CADPS2: variants seen among roughly 807,000 people sequenced by gnomAD.
CADPS2 encodes the protein calcium-dependent secretion activator 2.
Under a neutral mutation model 172.5 loss-of-function variants are expected in CADPS2, and 93 were observed. The observed-to-expected ratio is 0.54, with a 90% CI of 0.46 to 0.64. The LOEUF (loss-of-function observed/expected upper bound fraction) is 0.64, where lower values mean the gene tolerates loss of function less well. Ranked by LOEUF, CADPS2 falls within the 30% of genes least tolerant of loss-of-function variation. CADPS2 has a pLI of 0.00. For synonymous variants in CADPS2, 546 were observed against 555.2 expected, an observed-to-expected ratio of 0.98 and a Z score of 0.23; for missense variants, 1,420 against 1,565.9, an observed-to-expected ratio of 0.91 and a Z score of 1.57.
chr7:122,598,725 A>T (rs2072285568), intron 6 of CADPS2, among the ~76,000 whole-genome samples: 2 of 152,138 alleles, frequency 1.3e-5, no homozygotes, highest in African/African-American at 4.8e-5. Flanking sequence ...ACTCTTATTA[A>T]TACTTCATTA....
At chr7:122,796,662 T>C (rs1047879967) in intron 1 of CADPS2, among the ~76,000 whole-genome samples, 1 of 152,100 alleles carries the variant, frequency 6.6e-6, no homozygotes, top group South Asian at 2.1e-4. Context: ...GCTACCCATA[T>C]GCAGAAGACT....
rs1344793107 is a variant in CADPS2, at chr7:122,760,973, A to G, written c.340-23905T>C. ...AACTTAAAGTATGATAATAATAAAA[A>G]AAAGAAAACCTCAGACACTGTCAGC... On this transcript the variant is annotated intron_variant, in intron 1 of 29. Coordinates refer to ENST00000449022, the MANE Select transcript of CADPS2 (RefSeq NM_017954.11). Among the ~76,000 whole-genome samples, 9 of 152,336 alleles carry G rather than the reference A, an allele frequency of 5.9e-5. No homozygotes were observed. In the East Asian group the frequency reaches 9.6e-4, roughly 16 times the overall value.
intron 6 of CADPS2, among the ~76,000 whole-genome samples, chr7:122,591,989 G>T (rs981675696): frequency 1.3e-5 from 2 of 149,880 alleles, no homozygotes; most frequent in South Asian, 4.2e-4. Flanking sequence ...TGACAAATGG[G>T]ATCTAATTAA....
intron 3 of CADPS2, among the ~76,000 whole-genome samples, chr7:122,634,199 G>C (rs980923526): frequency 1.3e-5 from 2 of 152,064 alleles, no homozygotes; most frequent in Non-Finnish European, 2.9e-5. Flanking sequence ...GGATGAGTTA[G>C]GGAAGATTTT....
intron 9 of CADPS2, among the ~76,000 whole-genome samples, chr7:122,502,043 A>T (rs1422857099): frequency 1.3e-5 from 2 of 152,072 alleles, no homozygotes; most frequent in African/African-American, 4.8e-5. Context: ...ATTACCTCTT[A>T]ATTTCTGGCA....
At chr7:122,660,740 C>T (rs528681693) in intron 3 of CADPS2, among the ~76,000 whole-genome samples, 54 of 152,136 alleles carry the variant, frequency 3.5e-4, no homozygotes, top group African/African-American at 1.3e-3. Context: ...GAAACCCCAT[C>T]TCTACTAAAA....
chr7:122,491,785 A>G (rs914735772), intron 9 of CADPS2, among the ~76,000 whole-genome samples: 1 of 152,204 alleles, frequency 6.6e-6, no homozygotes, highest in Admixed American at 6.5e-5. Context: ...AGCTTTTAAT[A>G]TGCTAACGTA....
intron 7 of CADPS2, among the ~76,000 whole-genome samples, chr7:122,556,541 C>T (rs538072963): frequency 1.3e-5 from 2 of 152,236 alleles, no homozygotes; most frequent in South Asian, 4.1e-4. Context: ...TAAATTAAAA[C>T]TTTTGACAAT....
chr7:122,458,193 T>C (rs1363584070), intron 14 of CADPS2, among the ~76,000 whole-genome samples: 1 of 152,156 alleles, frequency 6.6e-6, no homozygotes, highest in Non-Finnish European at 1.5e-5. Context: ...GAATTGTCAA[T>C]TCTGCCTGCA....
rs998758438 is a variant in CADPS2, at chr7:122,506,736, A to C, written c.1542+6513T>G. Among the ~76,000 whole-genome samples the C allele has an allele frequency of 3.6e-4, 55 of 152,088 alleles. 1 individual carries two copies. Among genetic ancestry groups the C allele is most frequent in the African/African-American group, 1.3e-3 (53 of 41,550 alleles). On this transcript the variant is annotated intron_variant, in intron 9 of 29. Transcript: ENST00000449022. Reference sequence around the variant, plus strand: ...TGCTGCTAGAGTTATTTAAAAAAAAAAAAAAAACAAACAAACTACACCAGA... The same window carrying C: ...TGCTGCTAGAGTTATTTAAAAAAAACAAAAAAACAAACAAACTACACCAGA...
At position 122,720,620 on chromosome 7, in the gene CADPS2, A is replaced by G. The variant is rs181213295; in HGVS notation, c.453+16335T>C. Among the ~76,000 whole-genome samples, 684 of 151,796 alleles carry G rather than the reference A, an allele frequency of 4.5e-3. 17 individuals carry two copies. Among genetic ancestry groups the G allele is most frequent in the Admixed American group, 0.043 (646 of 15,190 alleles). Reference sequence around the variant, plus strand: ...CATACATATATACGTATACATACATATATGTACGTATGTGTATACACACAG... The same window carrying G: ...CATACATATATACGTATACATACATGTATGTACGTATGTGTATACACACAG... On this transcript the variant is annotated intron_variant, in intron 2 of 29. Transcript: ENST00000449022.
At chr7:122,688,553 G>A (rs1296092242) in intron 2 of CADPS2, among the ~76,000 whole-genome samples, 1 of 152,194 alleles carries the variant, frequency 6.6e-6, no homozygotes, top group Non-Finnish European at 1.5e-5. Context: ...CTCTCTTAGA[G>A]TGTCCGCTCT....
intron 2 of CADPS2, among the ~76,000 whole-genome samples, chr7:122,678,651 G>C (rs1055331029): frequency 1.3e-5 from 2 of 152,106 alleles, no homozygotes; most frequent in African/African-American, 4.8e-5. Context: ...GATTTAGTTG[G>C]TGGTCAAAAA....
intron 1 of CADPS2, among the ~76,000 whole-genome samples, chr7:122,802,581 C>G (rs1005892387): frequency 1.3e-5 from 2 of 152,136 alleles, no homozygotes; most frequent in African/African-American, 4.8e-5. Flanking sequence ...GATGTTTATC[C>G]TCTAAACAAC....
intron 1 of CADPS2, among the ~76,000 whole-genome samples, chr7:122,752,381 A>G (rs1426339002): frequency 2.0e-5 from 3 of 152,220 alleles, no homozygotes; most frequent in Non-Finnish European, 4.4e-5. Flanking sequence ...AATCCTGAGT[A>G]TTATAAATCT....
rs5887102 is a variant in CADPS2 at position 122,547,074 on chromosome 7, GT to G, written c.1475+7475del. 1.0e-3 allele frequency among the ~76,000 whole-genome samples: 153 copies of G among 146,864 alleles called. 1 individual carries two copies. The highest frequency in any genetic ancestry group is 3.4e-3 in the African/African-American group (137 of 39,980). On this transcript the variant is annotated intron_variant, in intron 8 of 29. Transcript: ENST00000449022. Reference sequence around the variant, plus strand: ...TATGAACGAAGCTCAAATCTAGGGTGTTTTTTTTTTGCCTTTAATTTTTATA... The same window carrying G: ...TATGAACGAAGCTCAAATCTAGGGTGTTTTTTTTTGCCTTTAATTTTTATA...
chr7:122,576,188 C>T (rs943899326), intron 7 of CADPS2, among the ~76,000 whole-genome samples: 2 of 152,130 alleles, frequency 1.3e-5, no homozygotes, highest in African/African-American at 4.8e-5. Flanking sequence ...TATAATGTCA[C>T]CAATCCATGT....
At chr7:122,676,564 C>A in intron 2 of CADPS2, 1 of 737,622 alleles carries the variant, frequency 1.4e-6, no homozygotes, top group Non-Finnish European at 2.2e-6. Flanking sequence ...ATGCTGTTAG[C>A]CCCAATTAAA....
In CADPS2 at chr7:122,350,628, G is replaced by T. The variant is rs2038403871; in HGVS notation, c.3505-4947C>A. Among the ~76,000 whole-genome samples the T allele has an allele frequency of 4.6e-5, 7 of 152,252 alleles. No homozygotes were observed. The South Asian group carries it at 1.5e-3, about 32-fold the overall frequency. ...CAGATGGAAATACACAGAGATTACA[G>T]AGCCTTCTAATTACATTTATGCCAA... On this transcript the variant is annotated intron_variant, in intron 27 of 29. Transcript: ENST00000449022.
Sources: allele counts gnomAD v4.1 joint callset (sites outside exome capture counted in the v4.1 genomes callset), GRCh38; gene constraint gnomAD v4.1.1; transcripts MANE v1.5; gene names NCBI Gene and HGNC (gene_info 2026-07-23, HGNC 2026-07-21).